The following TENM4 variants were observed in gnomAD, a reference collection of about 807,000 sequenced individuals.
TENM4 encodes teneurin-4.
In TENM4, 82 loss-of-function variants were observed where a neutral mutation model predicts 243.3. The observed-to-expected ratio is 0.34, with a 90% CI of 0.28 to 0.40. The LOEUF (loss-of-function observed/expected upper bound fraction) is 0.40, where lower values mean the gene tolerates loss of function less well. TENM4 is among the 10% of genes least tolerant of loss of function. The pLI, the probability that TENM4 is intolerant of heterozygous loss-of-function variation, is 1.00. For missense variants in TENM4, 3,138 were observed against 3,673.3 expected, an observed-to-expected ratio of 0.85 and a Z score of 3.77; for synonymous variants, 1,412 against 1,456.3, an observed-to-expected ratio of 0.97 and a Z score of 0.69.
intron 4 of TENM4, among the ~76,000 whole-genome samples, chr11:79,123,387 G>A (rs1591299112): frequency 3.3e-5 from 5 of 152,184 alleles, no homozygotes; most frequent in Admixed American, 1.3e-4. Context: ...TTCAACCCAG[G>A]TAGTCTGGCC....
At chr11:79,296,921 C>T (rs1856464572) in intron 2 of TENM4, among the ~76,000 whole-genome samples, 1 of 152,124 alleles carries the variant, frequency 6.6e-6, no homozygotes, top group African/African-American at 2.4e-5. Context: ...TCCTCAAAGG[C>T]CTATGTGGTA....
At chr11:78,897,105 G>A (rs576715815) in intron 7 of TENM4, among the ~76,000 whole-genome samples, 4 of 152,206 alleles carry the variant, frequency 2.6e-5, no homozygotes, top group African/African-American at 9.6e-5. Context: ...GGTACTTGCC[G>A]GGCAGGGGGT....
chr11:79,203,746 A>G (rs931368847), intron 3 of TENM4, among the ~76,000 whole-genome samples: 4 of 152,228 alleles, frequency 2.6e-5, no homozygotes, highest in African/African-American at 9.6e-5. Context: ...AGTTGGTTGA[A>G]TTCATAGATG....
At chr11:79,439,090 T>C (rs561578492) in intron 1 of TENM4, 2 of 151,572 alleles carry the variant, frequency 1.3e-5, no homozygotes, top group East Asian at 3.9e-4. Flanking sequence ...CTCTCCTTAC[T>C]CGGCCTCAGA....
At chr11:79,276,204 C>G (rs1856052807) in intron 2 of TENM4, among the ~76,000 whole-genome samples, 1 of 152,214 alleles carries the variant, frequency 6.6e-6, no homozygotes, top group African/African-American at 2.4e-5. Flanking sequence ...AGCCCCAAAG[C>G]TGTTGCCAAG....
intron 6 of TENM4, among the ~76,000 whole-genome samples, chr11:79,063,157 A>G (rs1860143872): frequency 6.6e-6 from 1 of 152,044 alleles, no homozygotes; most frequent in Non-Finnish European, 1.5e-5. Context: ...GGGACTCTGG[A>G]CCCTAAGGGG....
At chr11:78,914,500 T>C (rs1856269561) in intron 6 of TENM4, among the ~76,000 whole-genome samples, 2 of 152,178 alleles carry the variant, frequency 1.3e-5, no homozygotes, top group African/African-American at 4.8e-5. Flanking sequence ...CCTCTTAAGG[T>C]AGTGAGCTCC....
At chr11:79,247,734 C>T (rs143775149) in intron 2 of TENM4, among the ~76,000 whole-genome samples, 1 of 152,372 alleles carries the variant, frequency 6.6e-6, no homozygotes, top group African/African-American at 2.4e-5. Flanking sequence ...GACAGTGCTG[C>T]TAGTGACTAC....
chr11:78,907,429 G>C (rs928825915), intron 6 of TENM4, among the ~76,000 whole-genome samples: 1 of 152,032 alleles, frequency 6.6e-6, no homozygotes, highest in Non-Finnish European at 1.5e-5. Flanking sequence ...ACTAGGTATT[G>C]GGAATAAAAC....
intron 3 of TENM4, among the ~76,000 whole-genome samples, chr11:79,161,759 A>C (rs1189191160): frequency 6.6e-6 from 1 of 152,198 alleles, no homozygotes; most frequent in Non-Finnish European, 1.5e-5. Context: ...AAGGAGTTCA[A>C]CCTTTATCTT....
intron 1 of TENM4, among the ~76,000 whole-genome samples, chr11:79,405,753 T>C (rs1009597944): frequency 2.7e-5 from 4 of 149,720 alleles, no homozygotes; most frequent in African/African-American, 9.9e-5. Flanking sequence ...TATCTTAATG[T>C]GGAGCAGGTA....
chr11:79,054,229 T>C (rs1420436261), intron 6 of TENM4, among the ~76,000 whole-genome samples: 4 of 152,178 alleles, frequency 2.6e-5, no homozygotes, highest in African/African-American at 9.7e-5. Flanking sequence ...AGGAGAGATG[T>C]ACAGGTTCTA....
intron 6 of TENM4, among the ~76,000 whole-genome samples, chr11:79,050,173 T>C (rs571530958): frequency 1.4e-4 from 21 of 152,334 alleles, no homozygotes; most frequent in African/African-American, 5.0e-4. Context: ...TTGTGAGCTA[T>C]TATGCACTCC....
Position 79,138,433 on chromosome 11 carries a change from AT to A in TENM4, c.-66+10276del, listed in dbSNP as rs888255129. On this transcript the variant is annotated intron_variant, in intron 4 of 33. Coordinates refer to ENST00000278550, the MANE Select transcript of TENM4 (RefSeq NM_001098816.3). ...AAAATATATATTATATTATATATAA[AT>A]ATATATTATATTTATATATAATATA... 8.8e-4 allele frequency among the ~76,000 whole-genome samples: 102 copies of A among 115,776 alleles called. 1 individual carries two copies. The highest frequency in any genetic ancestry group is 3.0e-3 in the African/African-American group (83 of 27,930). The allele number at this position is 115,776 out of a possible 152,430, so 76.0% of individuals were successfully genotyped here.
chr11:79,231,960 ATT>A (rs1348719736), intron 2 of TENM4, among the ~76,000 whole-genome samples: 2 of 152,192 alleles, frequency 1.3e-5, no homozygotes, highest in Non-Finnish European at 2.9e-5. Flanking sequence ...CATGCTTTTA[ATT>A]CCAGCTACTT....
chr11:79,349,899 G>T (rs1183192803), intron 1 of TENM4, among the ~76,000 whole-genome samples: 1 of 152,200 alleles, frequency 6.6e-6, no homozygotes, highest in Non-Finnish European at 1.5e-5. Context: ...CTCTATCCCA[G>T]CCTGTGATAA....
intron 12 of TENM4, among the ~76,000 whole-genome samples, chr11:78,847,993 C>A (rs977462570): frequency 6.6e-6 from 1 of 152,076 alleles, no homozygotes; most frequent in Non-Finnish European, 1.5e-5. Flanking sequence ...TCATGAAGGA[C>A]CCAATTTTGG....
At chr11:78,737,025 G>C (rs1251749302) in intron 20 of TENM4, among the ~76,000 whole-genome samples, 1 of 152,196 alleles carries the variant, frequency 6.6e-6, no homozygotes, top group Non-Finnish European at 1.5e-5. Flanking sequence ...TGTGTTTTAT[G>C]AATCTACTCT....
At chr11:78,729,246 G>A (rs2135868655) in intron 22 of TENM4, 130 bp downstream of exon 22, 1 of 1,010,488 alleles carries the variant, frequency 9.9e-7, no homozygotes, top group East Asian at 2.6e-5. Flanking sequence ...TCACGGACAG[G>A]TCTTAAAGGT....
Sources: allele counts gnomAD v4.1 joint callset (sites outside exome capture counted in the v4.1 genomes callset), GRCh38; gene constraint gnomAD v4.1.1; transcripts MANE v1.5; gene names NCBI Gene and HGNC (gene_info 2026-07-23, HGNC 2026-07-21).